The following KMT2D variants were observed in gnomAD, a reference collection of about 807,000 sequenced individuals.
The protein encoded by KMT2D is histone-lysine N-methyltransferase 2D.
In KMT2D, 55 loss-of-function variants were observed where a neutral mutation model predicts 512.7. The observed-to-expected ratio is 0.11, with a 90% CI of 0.09 to 0.13. The LOEUF (loss-of-function observed/expected upper bound fraction) is 0.13. Ranked by LOEUF, KMT2D falls within the 10% of genes least tolerant of loss-of-function variation. The probability of loss-of-function intolerance (pLI) is 1.00; values close to 1 mark genes in which losing one functional copy is unlikely to be tolerated. For missense variants in KMT2D, 6,061 were observed against 7,127.9 expected, an observed-to-expected ratio of 0.85 and a Z score of 5.39; for synonymous variants, 2,995 against 2,904.0, an observed-to-expected ratio of 1.03 and a Z score of -1.01.
In KMT2D at chr12:49,021,346, T is replaced by G; in HGVS notation, c.*434A>C. The G allele has an allele frequency of 4.0e-6, 1 of 250,040 alleles. No individual in the cohort carries two copies. The highest frequency in any genetic ancestry group is 1.4e-4 in the South Asian group (1 of 7,250). 15.5% of individuals were successfully genotyped at this position (250,040 alleles called of 1,614,324 possible). ...CAGGTGTGGGACCCGGCCTTTGGGA[T>G]TGTCAAGCTTAGTCAAGTCTCTTTG... is the stretch of plus-strand genomic sequence containing the variant. On this transcript the variant is annotated 3_prime_UTR_variant, in exon 55 of 55. Transcript: ENST00000301067.
intron 54 of KMT2D, 47 bp downstream of exon 54, chr12:49,021,996 A>AAGG (rs773905446): frequency 6.3e-7 from 1 of 1,576,560 alleles, no homozygotes; most frequent in Admixed American, 1.7e-5. Context: ...GAAGGGGTGA[A>AAGG]AGGAGGAGGA....
intron 38 of KMT2D, 31 bp downstream of exon 38, chr12:49,034,379 C>T (rs1433003678): frequency 6.2e-7 from 1 of 1,613,458 alleles, no homozygotes; most frequent in South Asian, 1.1e-5. Context: ...AAACCACTCC[C>T]CTGCACCTTC....
intron 43 of KMT2D, among the ~76,000 whole-genome samples, chr12:49,030,009 C>T (rs1261194915): frequency 2.6e-5 from 4 of 152,180 alleles, no homozygotes; most frequent in Non-Finnish European, 4.4e-5. Flanking sequence ...TAGCTCCACA[C>T]TCACTAAAGC....
intron 41 of KMT2D, 61 bp downstream of exon 41, chr12:49,030,832 G>A: frequency 6.2e-7 from 1 of 1,611,854 alleles, no homozygotes; most frequent in East Asian, 2.2e-5. Flanking sequence ...TTGCACAGCT[G>A]GGGGACAGGG....
At chr12:49,027,538 C>A (rs1466828043) in intron 48 of KMT2D, among the ~76,000 whole-genome samples, 1 of 152,134 alleles carries the variant, frequency 6.6e-6, no homozygotes, top group African/African-American at 2.4e-5. Flanking sequence ...CAACCTCTGC[C>A]TCCTGGGTTC....
rs539141809 is a variant in KMT2D at position 49,044,116 on chromosome 12, C to G, written c.5188+84G>C. On this transcript the variant is annotated intron_variant, in intron 22 of 54. Transcript: ENST00000301067. This position sits in a 1 kb window ranked among gnomAD's most constrained non-coding sequence, Gnocchi z 6.4. ...CCAGCTGGGTCTACCACCCTCTTGG[C>G]CCTTTCAATGAGTCCACCCCCTGGG... 1 of 1,585,224 alleles carries G rather than the reference C, an allele frequency of 6.3e-7. No individual in the cohort carries two copies. Among genetic ancestry groups the G allele is most frequent in the East Asian group, 2.2e-5 (1 of 44,628 alleles).
chr12:49,054,260 C>A lies in KMT2D; in HGVS notation c.510+47G>T. 1 of 1,544,496 alleles carries A rather than the reference C, an allele frequency of 6.5e-7. No individual in the cohort carries two copies. Among genetic ancestry groups the A allele is most frequent in the Non-Finnish European group, 8.8e-7 (1 of 1,139,268 alleles). Reference sequence around the variant, plus strand: ...TCATTCCAACCTGACTCTCAGAAGCCCACCAGCCCTGCCCTTCACCTATGC... The same window carrying A: ...TCATTCCAACCTGACTCTCAGAAGCACACCAGCCCTGCCCTTCACCTATGC... On this transcript the variant is annotated intron_variant, in intron 5 of 54. Transcript: ENST00000301067. The surrounding 1 kb of genome is among the most constrained non-coding windows in gnomAD (Gnocchi z 6.4).
chr12:49,029,551 G>T, intron 43 of KMT2D, 75 bp from the exon 44 acceptor site: 1 of 1,091,900 alleles, frequency 9.2e-7, no homozygotes, highest in Non-Finnish European at 1.4e-6. Context: ...CAATATTTTA[G>T]GCCTAATTAG....
chr12:49,052,419 C>T lies in KMT2D; in HGVS notation c.1264G>A (p.Ala422Thr), dbSNP rs756490738. 1 of 1,541,740 alleles carries T rather than the reference C, an allele frequency of 6.5e-7. No homozygotes were observed. The highest frequency in any genetic ancestry group is 8.7e-7 in the Non-Finnish European group (1 of 1,143,730). Residue 422 changes from alanine to threonine, a missense_variant, in exon 11 of 55, where the codon GCA (alanine) becomes ACA (threonine). Coordinates refer to ENST00000301067, the MANE Select transcript of KMT2D (RefSeq NM_003482.4). ...AACTGGGGCTCAAGTTGGACCCCTG[C>T]TTTCCCTGCAGACACAACAACACGA... The part of the protein sequence containing the change: ...LQCEAKPLGK[A>T]GVQLEPQLEA...
In KMT2D at chr12:49,041,556, T is replaced by C. The variant is rs770442232; in HGVS notation, c.6235-21A>G. 6.2e-7 allele frequency: 1 copy of C among 1,613,044 alleles called. No individual in the cohort carries two copies. Among genetic ancestry groups the C allele is most frequent in the South Asian group, 1.1e-5 (1 of 91,040 alleles). On this transcript the variant is annotated intron_variant, in intron 31 of 54. Coordinates refer to ENST00000301067, the MANE Select transcript of KMT2D (RefSeq NM_003482.4). The surrounding 1 kb of genome is among the most constrained non-coding windows in gnomAD (Gnocchi z 5.4). The stretch of plus-strand genomic sequence containing the variant: ...GCCTGCTACAGGGGGAGACCAGGCA[T>C]AGGGCAGTCAGGCTGCTGCAGGCAG...
In KMT2D at chr12:49,054,821, C is replaced by T. The variant is rs1047852374; in HGVS notation, c.177-70G>A. ...CCCATGATCTGGCATGCCCATGCTT[C>T]CCCAACACTCATTTTCCTAAATTCT... is the stretch of plus-strand genomic sequence containing the variant. On this transcript the variant is annotated intron_variant, in intron 3 of 54. Coordinates refer to ENST00000301067, the MANE Select transcript of KMT2D (RefSeq NM_003482.4). This position sits in a 1 kb window ranked among gnomAD's most constrained non-coding sequence, Gnocchi z 6.4. The T allele has an allele frequency of 8.7e-6, 14 of 1,604,290 alleles. No individual in the cohort carries two copies. In the African/African-American group the frequency reaches 1.9e-4, roughly 21 times the overall value.
In KMT2D at chr12:49,050,988, C is replaced by T. The variant is rs2120661279; in HGVS notation, c.2695G>A (p.Ala899Thr). Residue 899 changes from alanine (A) to threonine (T), a missense_variant, in exon 11 of 55, where the codon GCC becomes ACC. Around this residue, in one of 16 missense-constraint regions of KMT2D, gnomAD observed 848 missense variants for 838.5 expected, o/e 1.01. Transcript: ENST00000301067. ...GGTGGTTCCCCAGGCTCAGACAGGG[C>T]TGGCTCTCCAAGCAAGGGAGATAAG... is the stretch of plus-strand genomic sequence containing the variant. ...PSLSPLLGEP[A>T]LSEPGEPPLS... The T allele has an allele frequency of 6.4e-7, 1 of 1,569,456 alleles. No homozygotes were observed.
intron 43 of KMT2D, among the ~76,000 whole-genome samples, 200 bp from the exon 44 acceptor site, chr12:49,029,676 TG>T (rs371570306): frequency 2.8e-4 from 34 of 119,334 alleles, no homozygotes; most frequent in African/African-American, 5.2e-4. Context: ...TTGTTTTTTT[TG>T]TTTTTTTTTT....
chr12:49,049,060 TAA>T, intron 13 of KMT2D, 43 bp downstream of exon 13: 1 of 1,252,420 alleles, frequency 8.0e-7, no homozygotes. Flanking sequence ...CAGAGGGTGC[TAA>T]AGCATGGTTG....
At chr12:49,045,500 C>T (rs1277283852) in intron 19 of KMT2D, among the ~76,000 whole-genome samples, 4 of 151,970 alleles carry the variant, frequency 2.6e-5, no homozygotes, top group East Asian at 1.9e-4. Context: ...AAAAATTAGC[C>T]GGGCGTGGTG....
rs1943509535 is a variant in KMT2D, at chr12:49,041,217, G to A, written c.6553C>T (p.Leu2185=). 2.0e-6 allele frequency: 3 copies of A among 1,513,188 alleles called. No homozygotes were observed. Among genetic ancestry groups the A allele is most frequent in the Non-Finnish European group, 2.6e-6 (3 of 1,133,766 alleles). 93.7% of individuals were successfully genotyped at this position (1,513,188 alleles called of 1,614,324 possible). A position where few individuals can be genotyped will look rare whatever the true frequency, so the allele number is the denominator to read the frequency against. ...GGTGCCGTGGGGAAGCGGGGCTCCA[G>A]GGGATAGGCAGGGGCCAGTCCAAAG... ...DPFGLAPAYP[L]EPRFPTAPPT... is the part of the protein sequence containing the mutation. Residue 2185 remains leucine (L), a synonymous_variant, in exon 32 of 55, where the codon CTG becomes TTG. Transcript: ENST00000301067. The surrounding 1 kb of genome is among the most constrained non-coding windows in gnomAD (Gnocchi z 5.4).
chr12:49,029,222 T>C lies in KMT2D; in HGVS notation c.14090A>G (p.Glu4697Gly), dbSNP rs1379624706. The C allele has an allele frequency of 6.2e-7, 1 of 1,612,440 alleles. No individual in the cohort carries two copies. Among genetic ancestry groups the C allele is most frequent in the Non-Finnish European group, 8.5e-7 (1 of 1,178,604 alleles). The change falls in exon 45 of 55, where the codon GAG (glutamate) becomes GGG (glycine). Residue 4697 changes from glutamate to glycine, a missense_variant. This residue lies in a region of KMT2D where 1,600 missense variants were observed against 1,754.9 expected (regional missense o/e 0.91). Transcript: ENST00000301067. The part of the protein sequence containing the change: ...QTEDVRMESD[E>G]DSDSPDSIVP... ...AATGCTGTCAGGAGAATCGCTATCC[T>C]CATCACTCTCCATCCTGGGGACCAA... is the stretch of plus-strand genomic sequence containing the variant.
In KMT2D at chr12:49,052,069, T is replaced by C; in HGVS notation, c.1614A>G (p.Pro538=). 1 of 1,604,666 alleles carries C rather than the reference T, an allele frequency of 6.2e-7. No homozygotes were observed. The highest frequency in any genetic ancestry group is 8.5e-7 in the Non-Finnish European group (1 of 1,177,182). The part of the protein sequence containing the change: ...PSPALETPLS[P]PPEASPLSPP... ...GGGACAGGGGCGATGCTTCAGGTGG[T>C]GGGGATAGAGGCGTCTCAAGTGCAG... Residue 538 remains proline, a synonymous_variant, in exon 11 of 55, where the codon CCA becomes CCG. Coordinates refer to ENST00000301067, the MANE Select transcript of KMT2D (RefSeq NM_003482.4).
At position 49,040,974 on chromosome 12, in the gene KMT2D, C is replaced by G. The variant is rs1943490421; in HGVS notation, c.6796G>C (p.Gly2266Arg). The G allele has an allele frequency of 6.2e-7, 1 of 1,608,628 alleles. No individual in the cohort carries two copies. The highest frequency in any genetic ancestry group is 8.5e-7 in the Non-Finnish European group (1 of 1,176,988). Reference protein sequence around the residue: ...AVPESPGVGGGKASEPLLSPP... With the variant: ...AVPESPGVGGRKASEPLLSPP... ...GAGAGCAGGGGCTCGGAAGCTTTGC[C>G]TCCCCCTACCCCAGGGCTCTCAGGC... The change falls in exon 32 of 55, where the codon GGC becomes CGC. Residue 2266 changes from glycine to arginine, a missense_variant. By Grantham distance (125) the Gly-to-Arg change is moderately radical. This residue lies in a region of KMT2D where 710 missense variants were observed against 647.3 expected (regional missense o/e 1.10). Coordinates refer to ENST00000301067, the MANE Select transcript of KMT2D (RefSeq NM_003482.4).
Sources: gnomAD v4.1 joint callset for allele counts (sites outside exome capture counted in the v4.1 genomes callset) on GRCh38, gnomAD v4.1.1 for gene constraint, gnomAD v4.1.1 regional missense constraint, Gnocchi (gnomAD v3.1) non-coding constraint, MANE v1.5 for transcripts, NCBI Gene and HGNC (gene_info 2026-07-23, HGNC 2026-07-21) for gene names.